Variants in GARIN2 observed in about 807,000 individuals in gnomAD.
The protein encoded by GARIN2 is golgi associated RAB2 interactor family member 2.
the GARIN2 span, among the ~76,000 whole-genome samples, chr14:67,209,879 G>A: frequency 6.6e-6 from 1 of 150,492 alleles, no homozygotes; most frequent in Non-Finnish European, 1.5e-5. Flanking sequence ...TATATAAGTA[G>A]TTGGTAGGAA....
At chr14:67,227,117 C>G in the GARIN2 span, among the ~76,000 whole-genome samples, 1 of 152,084 alleles carries the variant, frequency 6.6e-6, no homozygotes, top group Admixed American at 6.6e-5. Context: ...AAAAATTATA[C>G]CATACTTAAA....
At chr14:67,223,941 T>C in the GARIN2 span, 1 of 985,298 alleles carries the variant, frequency 1.0e-6, no homozygotes, top group South Asian at 4.7e-5. Context: ...AAATTAAAAA[T>C]GAGTCCGTAA....
At chr14:67,226,580 C>G in the GARIN2 span, among the ~76,000 whole-genome samples, 42 of 152,286 alleles carry the variant, frequency 2.8e-4, no homozygotes, top group Non-Finnish European at 5.3e-4. Flanking sequence ...AGGCTGGTCT[C>G]AAACTCCTGA....
At chr14:67,201,257 G>A in the GARIN2 span, among the ~76,000 whole-genome samples, 44 of 152,318 alleles carry the variant, frequency 2.9e-4, no homozygotes, top group South Asian at 6.0e-3. Flanking sequence ...TGGCGCTACT[G>A]CACTCCAGCC....
chr14:67,195,362 T>C, the GARIN2 span, among the ~76,000 whole-genome samples: 1 of 152,108 alleles, frequency 6.6e-6, no homozygotes, highest in East Asian at 1.9e-4. Flanking sequence ...CCCTGGGAGA[T>C]CATCCACTCT....
the GARIN2 span, among the ~76,000 whole-genome samples, chr14:67,193,926 C>G: frequency 9.7e-5 from 12 of 123,708 alleles, no homozygotes; most frequent in African/African-American, 3.8e-4. Flanking sequence ...GCCTGTGTGA[C>G]AGAGCAAGAC....
chr14:67,196,261 G>T, the GARIN2 span, among the ~76,000 whole-genome samples: 8 of 147,064 alleles, frequency 5.4e-5, no homozygotes, highest in African/African-American at 2.0e-4. Flanking sequence ...TTGTCGCCCA[G>T]CCTGCAGTGC....
chr14:67,225,968 C>T, the GARIN2 span, among the ~76,000 whole-genome samples: 2,283 of 78,530 alleles, frequency 0.029, 30 homozygotes, highest in Non-Finnish European at 0.04. Flanking sequence ...TGTGTGCGCG[C>T]GCGCGCGTGC....
At chr14:67,194,427 G>T in the GARIN2 span, among the ~76,000 whole-genome samples, 1 of 151,954 alleles carries the variant, frequency 6.6e-6, no homozygotes, top group East Asian at 1.9e-4. Context: ...AATATACGAT[G>T]ATGAGGGGGG....
At chr14:67,202,714 T>C in the GARIN2 span, among the ~76,000 whole-genome samples, 1 of 152,210 alleles carries the variant, frequency 6.6e-6, no homozygotes, top group Non-Finnish European at 1.5e-5. Flanking sequence ...TTTAAACTTA[T>C]GTGTAAATGT....
the GARIN2 span, chr14:67,225,177 GC>G: frequency 6.3e-7 from 1 of 1,577,522 alleles, no homozygotes; most frequent in Non-Finnish European, 8.6e-7. Context: ...TCATCTGTCT[GC>G]CCCTTTCTCA....
chr14:67,196,857 A>G, the GARIN2 span: 2 of 152,206 alleles, frequency 1.3e-5, no homozygotes, highest in Non-Finnish European at 2.9e-5. Flanking sequence ...ACTCTTTCTG[A>G]GGCCTTGACC....
the GARIN2 span, among the ~76,000 whole-genome samples, chr14:67,226,226 C>G: frequency 1.3e-5 from 2 of 152,224 alleles, no homozygotes; most frequent in African/African-American, 4.8e-5. Flanking sequence ...GAATCTTGCT[C>G]TGTCGCCCAG....
the GARIN2 span, among the ~76,000 whole-genome samples, chr14:67,206,518 AAAACCTAATTTTT>A: frequency 1.3e-5 from 2 of 152,152 alleles, no homozygotes; most frequent in Non-Finnish European, 2.9e-5. Context: ...AACAAACAAA[AAAACCTAATTTTT>A]AATTAGGAAA....
At chr14:67,211,336 T>C in the GARIN2 span, among the ~76,000 whole-genome samples, 1 of 152,114 alleles carries the variant, frequency 6.6e-6, no homozygotes, top group East Asian at 1.9e-4. Flanking sequence ...TAGATTTGAC[T>C]CACATTGAAT....
chr14:67,208,326 A>G, the GARIN2 span: 5 of 1,613,872 alleles, frequency 3.1e-6, no homozygotes, highest in Non-Finnish European at 4.2e-6. Context: ...GGTAAAAGAT[A>G]TTTTCAAACT....
the GARIN2 span, chr14:67,203,125 AT>A: frequency 1.9e-6 from 3 of 1,613,716 alleles, no homozygotes; most frequent in East Asian, 6.7e-5. Flanking sequence ...ATTTACCTTC[AT>A]AACCGAGCCA....
chr14:67,224,456 T>A, the GARIN2 span, among the ~76,000 whole-genome samples: 3 of 151,986 alleles, frequency 2.0e-5, no homozygotes, highest in African/African-American at 7.2e-5. Flanking sequence ...GAGATGGGGT[T>A]TCATTGTGTT....
At chr14:67,200,521 C>T in the GARIN2 span, 12 of 283,446 alleles carry the variant, frequency 4.2e-5, no homozygotes, top group Non-Finnish European at 7.8e-5. Context: ...TTTGCAAATG[C>T]ACAGAGAAAA....
Sources: allele counts gnomAD v4.1 joint callset (sites outside exome capture counted in the v4.1 genomes callset), GRCh38; gene constraint gnomAD v4.1.1; transcripts MANE v1.5; gene names NCBI Gene and HGNC (gene_info 2026-07-23, HGNC 2026-07-21).